Variants in PDE7B observed in about 807,000 individuals in gnomAD.
The protein encoded by PDE7B is phosphodiesterase 7B.
In PDE7B, 29 loss-of-function variants were observed where a neutral mutation model predicts 56.2. The observed-to-expected ratio is 0.52, with a 90% confidence interval of 0.38 to 0.70. The LOEUF is 0.70. Among genes scored for constraint, PDE7B ranks in the 30% least tolerant of loss-of-function variants. PDE7B has a pLI of 0.00. For missense variants in PDE7B, 490 were observed against 565.0 expected (o/e 0.87, Z 1.35); for synonymous variants, 197 against 196.9 (o/e 1.00, Z 0.00).
intron 1 of PDE7B, among the ~76,000 whole-genome samples, chr6:135,919,076 T>C (rs1357533470): frequency 6.6e-6 from 1 of 152,176 alleles, no homozygotes; most frequent in Non-Finnish European, 1.5e-5. Flanking sequence ...TTCAACTGAG[T>C]ATGGGAGTTA....
Position 135,967,348 on chromosome 6 carries a change from G to GA in PDE7B, c.82+19832dup, listed in dbSNP as rs1031550808. Among the ~76,000 whole-genome samples the GA allele has an allele frequency of 5.3e-5, 8 of 152,002 alleles. No individual in the cohort carries two copies. In the South Asian group the frequency reaches 8.3e-4, roughly 16 times the overall value. On this transcript the variant is annotated intron_variant, in intron 2 of 12. Transcript: ENST00000308191. ...ATAACAATATGAGTAAAGGACACAG[G>GA]AAAAAAAATCAACTGTCTATGCCAA... is the stretch of plus-strand genomic sequence containing the variant.
At chr6:136,072,154 T>C (rs1305831692) in intron 2 of PDE7B, among the ~76,000 whole-genome samples, 6 of 152,210 alleles carry the variant, frequency 3.9e-5, no homozygotes, top group African/African-American at 1.4e-4. Flanking sequence ...TAATTTGTCT[T>C]GAATATATAA....
intron 2 of PDE7B, among the ~76,000 whole-genome samples, chr6:136,035,977 G>GAAC (rs891001311): frequency 4.6e-5 from 7 of 152,100 alleles, no homozygotes; most frequent in African/African-American, 1.7e-4. Flanking sequence ...CAAAATAACT[G>GAAC]AACAAAAATA....
At chr6:135,857,297 T>C (rs1175387983) in intron 1 of PDE7B, among the ~76,000 whole-genome samples, 1 of 152,148 alleles carries the variant, frequency 6.6e-6, no homozygotes, top group Non-Finnish European at 1.5e-5. Flanking sequence ...TTCTGTGTTC[T>C]ACATAGTCAT....
chr6:136,047,026 C>A (rs1776521162), intron 2 of PDE7B, among the ~76,000 whole-genome samples: 1 of 152,098 alleles, frequency 6.6e-6, no homozygotes, highest in African/African-American at 2.4e-5. Flanking sequence ...GAAAATGGCC[C>A]ACGGACATAC....
chr6:135,931,589 A>C (rs1443761857), intron 1 of PDE7B, among the ~76,000 whole-genome samples: 4 of 152,176 alleles, frequency 2.6e-5, no homozygotes, highest in Non-Finnish European at 4.4e-5. Flanking sequence ...ACAATGATAA[A>C]AATTTTTTCC....
At chr6:135,924,753 T>C (rs977116031) in intron 1 of PDE7B, among the ~76,000 whole-genome samples, 3 of 150,992 alleles carry the variant, frequency 2.0e-5, no homozygotes, top group Non-Finnish European at 4.4e-5. Flanking sequence ...TAGTACTATA[T>C]AGTTTTTAAT....
At chr6:136,135,638 C>A (rs1583900575) in intron 3 of PDE7B, among the ~76,000 whole-genome samples, 1 of 151,582 alleles carries the variant, frequency 6.6e-6, no homozygotes, top group South Asian at 2.1e-4. Flanking sequence ...CCTCTTATGA[C>A]CACTGGTGAT....
chr6:135,881,687 C>A (rs2128188839), intron 1 of PDE7B, among the ~76,000 whole-genome samples: 1 of 152,278 alleles, frequency 6.6e-6, no homozygotes, highest in South Asian at 2.1e-4. Flanking sequence ...GTAGATAAGG[C>A]AACTTGTACA....
At chr6:135,905,049 C>A (rs1280991483) in intron 1 of PDE7B, among the ~76,000 whole-genome samples, 1 of 152,204 alleles carries the variant, frequency 6.6e-6, no homozygotes, top group Non-Finnish European at 1.5e-5. Flanking sequence ...ATCTTGAAAT[C>A]ATTAATAACT....
At chr6:136,139,484 C>T (rs1199717260) in intron 3 of PDE7B, among the ~76,000 whole-genome samples, 8 of 152,080 alleles carry the variant, frequency 5.3e-5, no homozygotes, top group Non-Finnish European at 1.0e-4. Flanking sequence ...GGTATATACC[C>T]GGTAATGGGA....
At chr6:136,054,544 T>G (rs1173808827) in intron 2 of PDE7B, among the ~76,000 whole-genome samples, 1 of 152,198 alleles carries the variant, frequency 6.6e-6, no homozygotes, top group Non-Finnish European at 1.5e-5. Flanking sequence ...GCGAGCCCTT[T>G]TTTGGTTCCA....
intron 2 of PDE7B, among the ~76,000 whole-genome samples, chr6:136,006,314 C>G (rs1471739986): frequency 1.3e-5 from 2 of 151,686 alleles, no homozygotes; most frequent in Non-Finnish European, 2.9e-5. Context: ...ATGTAACTAA[C>G]CTGTACATTG....
At chr6:136,018,517 A>T (rs1404693716) in intron 2 of PDE7B, among the ~76,000 whole-genome samples, 1 of 152,206 alleles carries the variant, frequency 6.6e-6, no homozygotes, top group Non-Finnish European at 1.5e-5. Context: ...AAGAAGGCCA[A>T]CACTTGGCAT....
chr6:136,085,700 T>A (rs1228036220), intron 2 of PDE7B, among the ~76,000 whole-genome samples: 1 of 152,166 alleles, frequency 6.6e-6, no homozygotes, highest in Non-Finnish European at 1.5e-5. Flanking sequence ...GAAAAGTCAA[T>A]ACTGAAAAGT....
At chr6:135,933,855 T>C (rs1774340563) in intron 1 of PDE7B, among the ~76,000 whole-genome samples, 2 of 152,192 alleles carry the variant, frequency 1.3e-5, no homozygotes, top group African/African-American at 4.8e-5. Context: ...CATTCATTTG[T>C]ATTCCTTTTC....
At chr6:135,954,822 A>C (rs1406474190) in intron 2 of PDE7B, among the ~76,000 whole-genome samples, 3 of 152,190 alleles carry the variant, frequency 2.0e-5, no homozygotes, top group Admixed American at 2.0e-4. Flanking sequence ...TTGTGTAAGA[A>C]AAACAAGTTT....
intron 2 of PDE7B, among the ~76,000 whole-genome samples, chr6:136,041,268 T>G (rs550072256): frequency 2.0e-4 from 30 of 152,178 alleles, no homozygotes; most frequent in Non-Finnish European, 4.1e-4. Flanking sequence ...GACTGGAACT[T>G]TGTTTCTCAC....
At chr6:135,958,233 A>G (rs7754845) in intron 2 of PDE7B, among the ~76,000 whole-genome samples, 56,592 of 151,846 alleles carry the variant, frequency 0.37, 10,768 homozygotes, top group Admixed American at 0.52. Flanking sequence ...CTCTGTCTCA[A>G]TAAGAGTTAA....
Sources: allele counts gnomAD v4.1 joint callset (sites outside exome capture counted in the v4.1 genomes callset), GRCh38; gene constraint gnomAD v4.1.1; transcripts MANE v1.5; gene names NCBI Gene and HGNC (gene_info 2026-07-23, HGNC 2026-07-21).